The following LIN7A variants were observed in gnomAD, a reference collection of about 807,000 sequenced individuals.
The protein encoded by LIN7A is protein lin-7 homolog A.
In LIN7A, 25 loss-of-function variants were observed where a neutral mutation model predicts 29.8. That is an observed-to-expected ratio of 0.84 (90% CI 0.61 to 1.17). The LOEUF is 1.17. LIN7A is among the 50% of genes most tolerant of loss of function. The probability of loss-of-function intolerance (pLI) is 0.00; values close to 1 mark genes in which losing one functional copy is unlikely to be tolerated. For synonymous variants in LIN7A, 118 were observed against 107.5 expected (o/e 1.10, Z -0.60); for missense variants, 239 against 287.0 (o/e 0.83, Z 1.21).
At chr12:80,831,783 C>T (rs572092446) in intron 4 of LIN7A, among the ~76,000 whole-genome samples, 79 of 152,186 alleles carry the variant, frequency 5.2e-4, no homozygotes, top group Non-Finnish European at 6.9e-4. Context: ...TGGTAATTAG[C>T]TGTGTCTAAA....
chr12:80,910,102 A>G (rs1045294966), intron 1 of LIN7A, among the ~76,000 whole-genome samples: 1 of 152,274 alleles, frequency 6.6e-6, no homozygotes, highest in Non-Finnish European at 1.5e-5. Context: ...ATTTTTGCAC[A>G]TATTGTGTTA....
At chr12:80,886,748 G>A (rs1378369249) in intron 2 of LIN7A, among the ~76,000 whole-genome samples, 1 of 151,952 alleles carries the variant, frequency 6.6e-6, no homozygotes, top group Non-Finnish European at 1.5e-5. Flanking sequence ...AGACTTCTAT[G>A]GACTACCAAT....
chr12:80,825,813 A>T (rs1478936534), intron 4 of LIN7A, among the ~76,000 whole-genome samples: 1 of 152,092 alleles, frequency 6.6e-6, no homozygotes, highest in African/African-American at 2.4e-5. Flanking sequence ...TGTCATAGAG[A>T]CAACAATAGA....
chr12:80,835,533 C>T (rs1872560389), intron 4 of LIN7A, among the ~76,000 whole-genome samples: 1 of 152,092 alleles, frequency 6.6e-6, no homozygotes, highest in African/African-American at 2.4e-5. Flanking sequence ...ATGACTTAAA[C>T]TGGGCGGAGA....
chr12:80,851,355 CTTTT>C, intron 2 of LIN7A, among the ~76,000 whole-genome samples: 1 of 139,598 alleles, frequency 7.2e-6, no homozygotes, highest in African/African-American at 2.6e-5. Context: ...AATTGCTAGT[CTTTT>C]TTTTTTTTTT....
intron 5 of LIN7A, among the ~76,000 whole-genome samples, chr12:80,798,368 A>G (rs1009016372): frequency 1.3e-5 from 2 of 152,178 alleles, no homozygotes; most frequent in African/African-American, 2.4e-5. Flanking sequence ...TTTTATTTCA[A>G]TGAATGCCAA....
intron 2 of LIN7A, among the ~76,000 whole-genome samples, chr12:80,885,577 C>CTGTA (rs767112219): frequency 2.6e-5 from 4 of 152,030 alleles, no homozygotes; most frequent in Non-Finnish European, 4.4e-5. Flanking sequence ...TTACCACTAT[C>CTGTA]TGTATTCTGT....
chr12:80,911,609 A>G (rs1876752387), intron 1 of LIN7A, among the ~76,000 whole-genome samples: 1 of 152,176 alleles, frequency 6.6e-6, no homozygotes, highest in Non-Finnish European at 1.5e-5. Flanking sequence ...TTATTCTTGT[A>G]CCTTTTCTAG....
intron 1 of LIN7A, among the ~76,000 whole-genome samples, chr12:80,893,125 G>A (rs1227910677): frequency 6.6e-6 from 1 of 151,876 alleles, no homozygotes; most frequent in East Asian, 1.9e-4. Context: ...GATTTTTTTA[G>A]GTTTCTTTCA....
intron 5 of LIN7A, among the ~76,000 whole-genome samples, chr12:80,807,085 T>TTGTTTTTTG (rs1565883965): frequency 7.1e-6 from 1 of 141,436 alleles, no homozygotes; most frequent in African/African-American, 2.6e-5. Flanking sequence ...TTTTTTTTTT[T>TTGTTTTTTG]TTTTTTGACG....
intron 1 of LIN7A, among the ~76,000 whole-genome samples, chr12:80,899,774 T>C (rs1473270533): frequency 7.8e-6 from 1 of 128,392 alleles, no homozygotes; most frequent in African/African-American, 2.6e-5. Flanking sequence ...TCTTTTCTTT[T>C]TTTTTTTTTT....
intron 2 of LIN7A, among the ~76,000 whole-genome samples, chr12:80,877,510 C>G (rs985694524): frequency 3.2e-4 from 48 of 151,780 alleles, no homozygotes; most frequent in Non-Finnish European, 5.3e-4. Flanking sequence ...AAAAATACTG[C>G]AATCAGACTA....
intron 1 of LIN7A, among the ~76,000 whole-genome samples, chr12:80,934,370 C>A (rs1446697413): frequency 6.6e-6 from 1 of 152,140 alleles, no homozygotes; most frequent in Non-Finnish European, 1.5e-5. Flanking sequence ...GAGACCTTTA[C>A]AGGGTTGATC....
chr12:80,838,115 T>C (rs1872662687), intron 4 of LIN7A, among the ~76,000 whole-genome samples: 2 of 152,218 alleles, frequency 1.3e-5, no homozygotes, highest in Admixed American at 6.5e-5. Flanking sequence ...GCAATCTAAA[T>C]AGAGATTTAG....
chr12:80,917,010 A>T (rs1314634714), intron 1 of LIN7A, among the ~76,000 whole-genome samples: 2 of 152,240 alleles, frequency 1.3e-5, no homozygotes, highest in African/African-American at 4.8e-5. Flanking sequence ...TAAAAATGTT[A>T]TAAAAACAAA....
At chr12:80,851,124 T>G (rs915758432) in intron 2 of LIN7A, among the ~76,000 whole-genome samples, 4 of 152,172 alleles carry the variant, frequency 2.6e-5, no homozygotes, top group African/African-American at 9.7e-5. Flanking sequence ...ATTTTGGCAG[T>G]ATCAGTGTGA....
At chr12:80,817,450 G>C (rs537648167) in intron 4 of LIN7A, among the ~76,000 whole-genome samples, 2 of 152,238 alleles carry the variant, frequency 1.3e-5, no homozygotes, top group South Asian at 4.1e-4. Flanking sequence ...CCAGTTTTCT[G>C]ATGTGTAAGT....
chr12:80,871,229 T>C (rs1304389480), intron 2 of LIN7A, among the ~76,000 whole-genome samples: 2 of 152,178 alleles, frequency 1.3e-5, no homozygotes, highest in Non-Finnish European at 1.5e-5. Context: ...TTATTTTGTT[T>C]TAAAAGACCA....
At chr12:80,904,586 A>G (rs1876381358) in intron 1 of LIN7A, among the ~76,000 whole-genome samples, 1 of 152,144 alleles carries the variant, frequency 6.6e-6, no homozygotes, top group Admixed American at 6.5e-5. Context: ...TTTCAGATCC[A>G]TCATGTTGTT....
Sources: gnomAD v4.1 joint callset for allele counts (sites outside exome capture counted in the v4.1 genomes callset) on GRCh38, gnomAD v4.1.1 for gene constraint, MANE v1.5 for transcripts, NCBI Gene and HGNC (gene_info 2026-07-23, HGNC 2026-07-21) for gene names.